METRN: variants seen among roughly 807,000 people sequenced by gnomAD.
METRN encodes meteorin.
A neutral mutation model predicts 17.4 loss-of-function variants in METRN; 17 were observed. That is an observed-to-expected ratio of 0.98 (90% CI 0.67 to 1.46). The LOEUF is 1.46. METRN is among the 40% of genes most tolerant of loss of function. METRN has a pLI of 0.00. For missense variants in METRN, 489 were observed against 456.2 expected, an observed-to-expected ratio of 1.07 and a Z score of -0.65; for synonymous variants, 230 against 210.8, an observed-to-expected ratio of 1.09 and a Z score of -0.79.
At position 715,806 on chromosome 16, in the gene METRN, G is replaced by T; in HGVS notation, c.327G>T (p.Glu109Asp). ...GCGCCCTGGAGCTGCTGCTGGCCGA[G>T]GGCCCGGGCCCGGCAGGGGGCCGCT... ...AGGALELLLA[E>D]GPGPAGGRCV... The change falls in exon 2 of 4, where the codon GAG becomes GAT. Residue 109 changes from glutamate to aspartate, a missense_variant. Transcript: ENST00000568223. 2 of 1,258,834 alleles carry T rather than the reference G, an allele frequency of 1.6e-6. No homozygotes were observed. The highest frequency in any genetic ancestry group is 2.0e-6 in the Non-Finnish European group (2 of 1,004,754). 78.0% of individuals were successfully genotyped at this position (1,258,834 alleles called of 1,614,324 possible).
rs760857645 is a variant in METRN at position 717,332 on chromosome 16, C to A, written c.827C>A (p.Ala276Asp). The A allele has an allele frequency of 6.7e-7, 1 of 1,492,334 alleles. No individual in the cohort carries two copies. The highest frequency in any genetic ancestry group is 1.4e-5 in the African/African-American group (1 of 72,300). The allele number at this position is 1,492,334 out of a possible 1,614,324, so 92.4% of individuals were successfully genotyped here. ...CAPRFQEFRRAYEAARAAHLH... is the reference protein window; with the variant it reads ...CAPRFQEFRRDYEAARAAHLH... ...CCACGATTCCAGGAGTTCCGCCGTG[C>A]CTACGAGGCTGCCCGTGCTGCCCAC... The change falls in exon 4 of 4, where the codon GCC becomes GAC. Residue 276 changes from alanine to aspartate, a missense_variant. Transcript: ENST00000568223.
chr16:717,403 G>C lies in METRN; in HGVS notation c.*16G>C. The C allele has an allele frequency of 7.1e-7, 1 of 1,413,872 alleles. No individual in the cohort carries two copies. Among genetic ancestry groups the C allele is most frequent in the Non-Finnish European group, 9.2e-7 (1 of 1,088,224 alleles). 87.6% of individuals were successfully genotyped at this position (1,413,872 alleles called of 1,614,324 possible). On this transcript the variant is annotated 3_prime_UTR_variant, in exon 4 of 4. Coordinates refer to ENST00000568223, the MANE Select transcript of METRN (RefSeq NM_024042.4). ...GCTGCACTGAGGGGCTGGGTGCTGG[G>C]GAGGGGCTGGTAGGAGGGAGGGTGG...
rs773730230 is a variant in METRN at position 716,922 on chromosome 16, C to G, written c.506-11C>G. On this transcript the variant is annotated splice_polypyrimidine_tract_variant and intron_variant, in intron 2 of 3. Transcript: ENST00000568223. The stretch of plus-strand genomic sequence containing the variant: ...GCAGGGCCTCTCCTCACCACCCCCT[C>G]TGCATGCCAGGTGCCTGCAGGCCCT... 2.6e-6 allele frequency: 4 copies of G among 1,543,378 alleles called. No homozygotes were observed. The highest frequency in any genetic ancestry group is 1.2e-5 in the South Asian group (1 of 80,594).
Position 715,677 on chromosome 16 carries a change from C to T in METRN, c.198C>T (p.Arg66=), listed in dbSNP as rs757520282. The T allele has an allele frequency of 1.8e-5, 26 of 1,422,178 alleles. No homozygotes were observed. The highest frequency in any genetic ancestry group is 3.1e-5 in the East Asian group (1 of 32,654). 88.1% of individuals were successfully genotyped at this position (1,422,178 alleles called of 1,614,324 possible). A position where few individuals can be genotyped will look rare whatever the true frequency, so the allele number is the denominator to read the frequency against. ...VEWLYPAGAL[R]LTLGGPDPRA... ...GGCTGTACCCGGCTGGGGCGCTGCGCCTGACCCTGGGCGGCCCCGATCCCA... is the reference window on the plus strand; with the variant it reads ...GGCTGTACCCGGCTGGGGCGCTGCGTCTGACCCTGGGCGGCCCCGATCCCA... Residue 66 remains arginine (R), a synonymous_variant, in exon 2 of 4, where the codon CGC becomes CGT. Coordinates refer to ENST00000568223, the MANE Select transcript of METRN (RefSeq NM_024042.4).
In METRN at chr16:716,962, C is replaced by G; in HGVS notation, c.535C>G (p.Leu179Val). Residue 179 changes from leucine (L) to valine (V), a missense_variant, in exon 3 of 4, where the codon CTG becomes GTG. Physicochemically the swap from Leu to Val is conservative, Grantham distance 32. Transcript: ENST00000568223. ...CTGCAGGCCCTGCAGCGACGCTGAG[C>G]TGCTCCTGGCCGCATGCACCAGCGA... is the stretch of plus-strand genomic sequence containing the variant. ...GACRPCSDAE[L>V]LLAACTSDFV... 1 of 1,593,000 alleles carries G rather than the reference C, an allele frequency of 6.3e-7. No individual in the cohort carries two copies. The highest frequency in any genetic ancestry group is 8.6e-7 in the Non-Finnish European group (1 of 1,168,526).
Position 717,355 on chromosome 16 carries a change from C to T in METRN, c.850C>T (p.His284Tyr), listed in dbSNP as rs763832585. ...TGCCTACGAGGCTGCCCGTGCTGCC[C>T]ACCTCCACCCCTGCGAGGTGGCGCT... ...RRAYEAARAAHLHPCEVALH is the reference protein window; with the variant it reads ...RRAYEAARAAYLHPCEVALH Residue 284 changes from histidine (H) to tyrosine (Y), a missense_variant, in exon 4 of 4, where the codon CAC becomes TAC. His to Tyr is a moderately conservative substitution (Grantham distance 83). Coordinates refer to ENST00000568223, the MANE Select transcript of METRN (RefSeq NM_024042.4). 21 of 1,468,190 alleles carry T rather than the reference C, an allele frequency of 1.4e-5. No homozygotes were observed. The highest frequency in any genetic ancestry group is 1.8e-5 in the Non-Finnish European group (20 of 1,112,318). 90.9% of individuals were successfully genotyped at this position (1,468,190 alleles called of 1,614,324 possible).
chr16:716,935 G>A lies in METRN; in HGVS notation c.508G>A (p.Ala170Thr). The change falls in exon 3 of 4, where the codon GCC (alanine) becomes ACC (threonine). Residue 170 changes from alanine to threonine, a missense_variant and splice_region_variant. Ala to Thr is a moderately conservative substitution (Grantham distance 58). Transcript: ENST00000568223. ...TCACCACCCCCTCTGCATGCCAGGT[G>A]CCTGCAGGCCCTGCAGCGACGCTGA... The part of the protein sequence containing the change: ...PQAHGLGVDG[A>T]CRPCSDAELL... 6.5e-7 allele frequency: 1 copy of A among 1,549,054 alleles called. No homozygotes were observed. The highest frequency in any genetic ancestry group is 1.2e-5 in the South Asian group (1 of 81,832).
intron 1 of METRN, 82 bp from the exon 2 acceptor site, chr16:715,502 G>A (rs942087245): frequency 5.5e-6 from 7 of 1,267,176 alleles, no homozygotes; most frequent in South Asian, 2.5e-5. Flanking sequence ...CCCCATCCGC[G>A]AGGCGGCCTC....
chr16:716,688 C>T (rs1206098830), intron 2 of METRN: 4 of 1,535,336 alleles, frequency 2.6e-6, no homozygotes, highest in South Asian at 2.4e-5. Flanking sequence ...CCCCCAGGCC[C>T]ACGTCTGTGT....
Position 717,055 on chromosome 16 carries a change from A to T in METRN, c.566-16A>T. The T allele has an allele frequency of 6.2e-7, 1 of 1,611,684 alleles. No homozygotes were observed. Among genetic ancestry groups the T allele is most frequent in the Non-Finnish European group, 8.5e-7 (1 of 1,179,342 alleles). ...CTTCCCCTGAATGCCTACCGCAGCC[A>T]CATGCCTCCCCACAGTAATTCACGG... is the stretch of plus-strand genomic sequence containing the variant. On this transcript the variant is annotated splice_polypyrimidine_tract_variant and intron_variant, in intron 3 of 3. Coordinates refer to ENST00000568223, the MANE Select transcript of METRN (RefSeq NM_024042.4).
At position 718,944 on chromosome 16, in the gene METRN, A is replaced by C. The variant is rs2040183836; in HGVS notation, c.*1557A>C. 1 of 152,354 alleles carries C rather than the reference A, an allele frequency of 6.6e-6. No homozygotes were observed. Among genetic ancestry groups the C allele is most frequent in the Admixed American group, 6.5e-5 (1 of 15,278 alleles). 9.4% of individuals were successfully genotyped at this position (152,354 alleles called of 1,614,324 possible). On this transcript the variant is annotated 3_prime_UTR_variant, in exon 4 of 4. Transcript: ENST00000568223. Reference sequence around the variant, plus strand: ...CTGCCCCCAGCCCAAACACTTCTGCAAACACTAGAAAAGGAGGTAGCCCGT... The same window carrying C: ...CTGCCCCCAGCCCAAACACTTCTGCCAACACTAGAAAAGGAGGTAGCCCGT...
chr16:716,742 A>G (rs1357822505), intron 2 of METRN, 191 bp from the exon 3 acceptor site: 2 of 1,535,242 alleles, frequency 1.3e-6, no homozygotes, highest in Non-Finnish European at 1.7e-6. Flanking sequence ...GTGTTTCCTG[A>G]GTACAGGTGT....
chr16:716,342 C>T, intron 2 of METRN: 2 of 1,406,728 alleles, frequency 1.4e-6, no homozygotes, highest in Non-Finnish European at 1.8e-6. Flanking sequence ...ACCTCTCTCC[C>T]CTCCCCCAGC....
Position 715,803 on chromosome 16 carries a change from C to G in METRN, c.324C>G (p.Ala108=). ...RAGGALELLL[A]EGPGPAGGRC... is the part of the protein sequence containing the mutation. ...GGGGCGCCCTGGAGCTGCTGCTGGCCGAGGGCCCGGGCCCGGCAGGGGGCC... is the reference window on the plus strand; with the variant it reads ...GGGGCGCCCTGGAGCTGCTGCTGGCGGAGGGCCCGGGCCCGGCAGGGGGCC... The change falls in exon 2 of 4, where the codon GCC becomes GCG. Residue 108 remains alanine, a synonymous_variant. Coordinates refer to ENST00000568223, the MANE Select transcript of METRN (RefSeq NM_024042.4). 3 of 1,259,014 alleles carry G rather than the reference C, an allele frequency of 2.4e-6. No homozygotes were observed. Among genetic ancestry groups the G allele is most frequent in the Non-Finnish European group, 3.0e-6 (3 of 1,004,832 alleles). 78.0% of individuals were successfully genotyped at this position (1,259,014 alleles called of 1,614,324 possible). A position where few individuals can be genotyped will look rare whatever the true frequency, so the allele number is the denominator to read the frequency against.
At position 718,110 on chromosome 16, in the gene METRN, T is replaced by G. The variant is rs1005930650; in HGVS notation, c.*723T>G. 1 of 152,298 alleles carries G rather than the reference T, an allele frequency of 6.6e-6. No individual in the cohort carries two copies. Among genetic ancestry groups the G allele is most frequent in the Non-Finnish European group, 1.5e-5 (1 of 68,096 alleles). 9.4% of individuals were successfully genotyped at this position (152,298 alleles called of 1,614,324 possible). On this transcript the variant is annotated 3_prime_UTR_variant, in exon 4 of 4. Transcript: ENST00000568223. ...CCTCTGCAGGGTCCTGCTTGTTGCCTGTTTCCGGCGGGCGGGGTGCACAAT... is the reference window on the plus strand; with the variant it reads ...CCTCTGCAGGGTCCTGCTTGTTGCCGGTTTCCGGCGGGCGGGGTGCACAAT...
At chr16:716,441 C>G (rs910331278) in intron 2 of METRN, 5 of 1,434,864 alleles carry the variant, frequency 3.5e-6, no homozygotes, top group African/African-American at 1.4e-5. Context: ...TCTTGCTTGG[C>G]TCTCCTGGAG....
chr16:715,425 G>A (rs2040151834), intron 1 of METRN, 32 bp downstream of exon 1: 1 of 1,272,934 alleles, frequency 7.9e-7, no homozygotes, highest in Non-Finnish European at 9.9e-7. Flanking sequence ...CCGCACTTAG[G>A]ACGGGGTGCG....
rs763552963 is a variant in METRN at position 715,668 on chromosome 16, G to A, written c.189G>A (p.Gly63=). The A allele has an allele frequency of 5.2e-5, 74 of 1,427,758 alleles. No homozygotes were observed. The highest frequency in any genetic ancestry group is 6.2e-5 in the Non-Finnish European group (68 of 1,094,952). The allele number at this position is 1,427,758 out of a possible 1,614,324, so 88.4% of individuals were successfully genotyped here. ...CGGTTGAGTGGCTGTACCCGGCTGG[G>A]GCGCTGCGCCTGACCCTGGGCGGCC... The part of the protein sequence containing the change: ...EGAVEWLYPA[G]ALRLTLGGPD... Residue 63 remains glycine (G), a synonymous_variant, in exon 2 of 4, where the codon GGG becomes GGA. Coordinates refer to ENST00000568223, the MANE Select transcript of METRN (RefSeq NM_024042.4).
chr16:716,057 C>T (rs1248039304), intron 2 of METRN, 73 bp downstream of exon 2: 5 of 1,370,428 alleles, frequency 3.6e-6, no homozygotes, highest in Admixed American at 3.5e-5. Flanking sequence ...CGGGAATGTG[C>T]CTTGTCGGCC....
Sources: gnomAD v4.1 joint callset for allele counts on GRCh38, gnomAD v4.1.1 for gene constraint, MANE v1.5 for transcripts, NCBI Gene and HGNC (gene_info 2026-07-23, HGNC 2026-07-21) for gene names.